The following DLGAP2 variants were observed in gnomAD, a reference collection of about 807,000 sequenced individuals.
The protein encoded by DLGAP2 is DLG associated protein 2.
In DLGAP2, 26 loss-of-function variants were observed where a neutral mutation model predicts 100.3. That is an observed-to-expected ratio of 0.26 (90% CI 0.19 to 0.36). DLGAP2 has a LOEUF of 0.36. DLGAP2 is among the 10% of genes least tolerant of loss of function. DLGAP2 has a pLI of 1.00. For synonymous variants in DLGAP2, 886 were observed against 630.1 expected (o/e 1.41, Z -6.08); for missense variants, 1,858 against 1,453.2 (o/e 1.28, Z -4.53).
At chr8:862,518 G>A (rs1380285231) in intron 1 of DLGAP2, among the ~76,000 whole-genome samples, 1 of 152,016 alleles carries the variant, frequency 6.6e-6, no homozygotes, top group Non-Finnish European at 1.5e-5. Flanking sequence ...TGGCTAGGCT[G>A]GTCTCGATCT....
At chr8:1,253,312 A>G (rs1201127731) in intron 2 of DLGAP2, among the ~76,000 whole-genome samples, 1 of 152,110 alleles carries the variant, frequency 6.6e-6, no homozygotes, top group Non-Finnish European at 1.5e-5. Context: ...GAGAGCTGCC[A>G]GGGCCCCTTT....
intron 3 of DLGAP2, among the ~76,000 whole-genome samples, chr8:1,423,768 C>T (rs1380667752): frequency 1.3e-5 from 2 of 152,176 alleles, no homozygotes; most frequent in Non-Finnish European, 2.9e-5. Context: ...GGGCTAGTGG[C>T]AGGAGCAACG....
chr8:1,237,601 G>A (rs1798691767), intron 2 of DLGAP2, among the ~76,000 whole-genome samples: 2 of 143,934 alleles, frequency 1.4e-5, no homozygotes, highest in Non-Finnish European at 3.0e-5. Flanking sequence ...TCTCTCACAT[G>A]GCGCCGTGTC....
intron 6 of DLGAP2, among the ~76,000 whole-genome samples, chr8:1,595,259 G>C (rs966316710): frequency 6.6e-6 from 1 of 151,510 alleles, no homozygotes; most frequent in African/African-American, 2.4e-5. Context: ...CAGGTTTTAC[G>C]GGCTTTTTTT....
At chr8:806,309 T>C (rs1389951342) in intron 1 of DLGAP2, among the ~76,000 whole-genome samples, 1 of 152,216 alleles carries the variant, frequency 6.6e-6, no homozygotes, top group Non-Finnish European at 1.5e-5. Flanking sequence ...GTTACAGCTC[T>C]TCTCTCTGGA....
chr8:821,894 C>T (rs370353307), intron 1 of DLGAP2, among the ~76,000 whole-genome samples: 25 of 152,264 alleles, frequency 1.6e-4, no homozygotes, highest in African/African-American at 4.6e-4. Flanking sequence ...TGCCATTCCA[C>T]GGTCTGGTCT....
chr8:1,164,983 T>G (rs1185569043), intron 2 of DLGAP2, among the ~76,000 whole-genome samples: 1 of 151,768 alleles, frequency 6.6e-6, no homozygotes, highest in Non-Finnish European at 1.5e-5. Flanking sequence ...CATTAGAGAG[T>G]CTGGGAGTTG....
At chr8:1,156,782 C>T (rs755190679) in intron 2 of DLGAP2, among the ~76,000 whole-genome samples, 1 of 152,152 alleles carries the variant, frequency 6.6e-6, no homozygotes, top group Non-Finnish European at 1.5e-5. Flanking sequence ...CTGGTGCTGA[C>T]GTCTCCTTTT....
At chr8:1,011,374 T>G (rs1832247228) in intron 2 of DLGAP2, among the ~76,000 whole-genome samples, 1 of 143,828 alleles carries the variant, frequency 7.0e-6, no homozygotes, top group Non-Finnish European at 1.5e-5. Context: ...GGGGTCTCAG[T>G]CTACACAGTG....
rs192816372 is a variant in DLGAP2, at chr8:1,495,436, G to A, written c.107-5930G>A. Among the ~76,000 whole-genome samples the A allele has an allele frequency of 2.2e-3, 342 of 152,308 alleles. 3 individuals carry two copies. The East Asian group carries it at 0.027, about 12-fold the overall frequency. On this transcript the variant is annotated intron_variant, in intron 3 of 14. Coordinates refer to ENST00000637795, the MANE Select transcript of DLGAP2 (RefSeq NM_001346810.2). ...CCCTTCTGCTGTGCTGCTCTGAGCCGGAGACTGAGCCGGCCAGGGCAGCCG... is the reference window on the plus strand; with the variant it reads ...CCCTTCTGCTGTGCTGCTCTGAGCCAGAGACTGAGCCGGCCAGGGCAGCCG...
chr8:1,061,481 G>A (rs1404924634), intron 2 of DLGAP2, among the ~76,000 whole-genome samples: 1 of 152,150 alleles, frequency 6.6e-6, no homozygotes, highest in Non-Finnish European at 1.5e-5. Context: ...CCCATGAGCT[G>A]TGGAAGGATC....
chr8:1,681,584 A>T lies in DLGAP2; in HGVS notation c.2704+2955A>T, dbSNP rs547165875. On this transcript the variant is annotated intron_variant, in intron 12 of 14. Transcript: ENST00000637795. ...AAGGTGGGAGGATTGCCTGAGCCCC[A>T]GAGGTGGAGGCTGCAGTGAGCCGAG... is the stretch of plus-strand genomic sequence containing the variant. Among the ~76,000 whole-genome samples, 3 of 148,332 alleles carry T rather than the reference A, an allele frequency of 2.0e-5. No individual in the cohort carries two copies. The East Asian group carries it at 6.0e-4, about 30-fold the overall frequency.
intron 2 of DLGAP2, among the ~76,000 whole-genome samples, chr8:986,838 T>C (rs985371271): frequency 2.6e-5 from 4 of 152,176 alleles, no homozygotes; most frequent in African/African-American, 9.6e-5. Context: ...TTTTGTATTT[T>C]TGGTAGAGAT....
chr8:1,076,452 C>T (rs957941934), intron 2 of DLGAP2, among the ~76,000 whole-genome samples: 1 of 152,188 alleles, frequency 6.6e-6, no homozygotes, highest in Admixed American at 6.5e-5. Context: ...GGGCAGGATG[C>T]TTTCGAAGTT....
At chr8:760,999 G>C (rs1276007281) in intron 1 of DLGAP2, among the ~76,000 whole-genome samples, 3 of 152,174 alleles carry the variant, frequency 2.0e-5, no homozygotes, top group African/African-American at 7.2e-5. Context: ...ATTTTGATCG[G>C]GGGACATATG....
chr8:1,143,813 C>T (rs904233391), intron 2 of DLGAP2, among the ~76,000 whole-genome samples: 2 of 152,228 alleles, frequency 1.3e-5, no homozygotes, highest in Non-Finnish European at 2.9e-5. Flanking sequence ...CCCTTCTGTG[C>T]AGTGCTGGAC....
chr8:1,232,600 GTTTGTA>G (rs1798560462), intron 2 of DLGAP2, among the ~76,000 whole-genome samples: 1 of 152,206 alleles, frequency 6.6e-6, no homozygotes, highest in African/African-American at 2.4e-5. Flanking sequence ...ATTGGCTGAT[GTTTGTA>G]TTTGTTGAGT....
chr8:1,232,463 A>G (rs902820236), intron 2 of DLGAP2, among the ~76,000 whole-genome samples: 1 of 152,182 alleles, frequency 6.6e-6, no homozygotes, highest in Non-Finnish European at 1.5e-5. Flanking sequence ...GCAGGCTGTG[A>G]TGAGGGGAGG....
At chr8:1,244,644 G>A (rs955783355) in intron 2 of DLGAP2, among the ~76,000 whole-genome samples, 7 of 151,882 alleles carry the variant, frequency 4.6e-5, no homozygotes, top group South Asian at 4.1e-4. Context: ...AAAATGGGTC[G>A]AAGACCTAAA....
Sources: gnomAD v4.1 joint callset for allele counts (sites outside exome capture counted in the v4.1 genomes callset) on GRCh38, gnomAD v4.1.1 for gene constraint, MANE v1.5 for transcripts, NCBI Gene and HGNC (gene_info 2026-07-23, HGNC 2026-07-21) for gene names.